The following USP30 variants were observed in gnomAD, a reference collection of about 807,000 sequenced individuals.
USP30 encodes the protein ubiquitin carboxyl-terminal hydrolase 30.
USP30 carries 41 observed loss-of-function variants against 68.2 expected under a neutral mutation model. The ratio of observed to expected loss-of-function variants is 0.60; its 90% confidence interval spans 0.47 to 0.78. USP30 has a LOEUF of 0.78. Ranked by LOEUF, USP30 falls within the 30% of genes least tolerant of loss-of-function variation. The pLI, the probability that USP30 is intolerant of heterozygous loss-of-function variation, is 0.00. For missense variants in USP30, 522 were observed against 649.4 expected (o/e 0.80, Z 2.13); for synonymous variants, 229 against 253.7 (o/e 0.90, Z 0.93).
intron 3 of USP30, among the ~76,000 whole-genome samples, chr12:109,043,921 G>A (rs1221546334): frequency 2.0e-5 from 3 of 152,194 alleles, no homozygotes; most frequent in Non-Finnish European, 4.4e-5. Context: ...ATATACCCAT[G>A]TTCATAACAA....
At position 109,082,823 on chromosome 12, in the gene USP30, G is replaced by A. The variant is rs1420961831; in HGVS notation, c.949-20G>A. 51 of 1,610,944 alleles carry A rather than the reference G, an allele frequency of 3.2e-5. No individual in the cohort carries two copies. The highest frequency in any genetic ancestry group is 9.9e-5 in the South Asian group (9 of 90,798). On this transcript the variant is annotated intron_variant, in intron 10 of 12. Transcript: ENST00000257548. ...GCCCCTGAAACAACTCGGTTCTCCCGATTTCTCTTCCACCCGCAGCTCCCT... is the reference window on the plus strand; with the variant it reads ...GCCCCTGAAACAACTCGGTTCTCCCAATTTCTCTTCCACCCGCAGCTCCCT...
Position 109,070,283 on chromosome 12 carries a change from C to T in USP30, c.481-1329C>T, listed in dbSNP as rs2041396957. Among the ~76,000 whole-genome samples, 2 of 152,060 alleles carry T rather than the reference C, an allele frequency of 1.3e-5. No individual in the cohort carries two copies. Among genetic ancestry groups the T allele is most frequent in the South Asian group, 2.1e-4 (1 of 4,814 alleles). ...TTAGGGCGTATTTTGGAGGAGGGTCCTTTTTTCAGGACTGCTGCTGAATTG... is the reference window on the plus strand; with the variant it reads ...TTAGGGCGTATTTTGGAGGAGGGTCTTTTTTTCAGGACTGCTGCTGAATTG... On this transcript the variant is annotated intron_variant, in intron 4 of 12. Coordinates refer to ENST00000257548, the MANE Select transcript of USP30 (RefSeq NM_032663.5). This position sits in a 1 kb window ranked among gnomAD's most constrained non-coding sequence, Gnocchi z 4.0.
At chr12:109,067,107 A>AT (rs754748366) in intron 3 of USP30, among the ~76,000 whole-genome samples, 10,196 of 104,622 alleles carry the variant, frequency 0.097, 1,283 homozygotes, top group African/African-American at 0.28. Flanking sequence ...ACAGTCCTTA[A>AT]TTTTTTTTTT....
At chr12:109,057,133 A>G (rs532127515) in intron 2 of USP30, among the ~76,000 whole-genome samples, 9 of 152,164 alleles carry the variant, frequency 5.9e-5, no homozygotes, top group Non-Finnish European at 1.3e-4. Flanking sequence ...GTGTTCTCTC[A>G]GACTAGCTTG....
chr12:109,073,644 T>C lies in USP30; in HGVS notation c.720+112T>C, dbSNP rs899784953. 31 of 920,684 alleles carry C rather than the reference T, an allele frequency of 3.4e-5. No individual in the cohort carries two copies. In the African/African-American group the frequency reaches 4.9e-4, roughly 15 times the overall value. 57.0% of individuals were successfully genotyped at this position (920,684 alleles called of 1,614,324 possible). A position where few individuals can be genotyped will look rare whatever the true frequency, so the allele number is the denominator to read the frequency against. On this transcript the variant is annotated intron_variant, in intron 7 of 12. Coordinates refer to ENST00000257548, the MANE Select transcript of USP30 (RefSeq NM_032663.5). ...TCGGTCACTGGTGTTAGAGACTACCTGGCCTCTGCACACTAGTGGACTGAC... is the reference window on the plus strand; with the variant it reads ...TCGGTCACTGGTGTTAGAGACTACCCGGCCTCTGCACACTAGTGGACTGAC...
chr12:109,037,698 T>C (rs1023056772), intron 3 of USP30, among the ~76,000 whole-genome samples: 5 of 152,330 alleles, frequency 3.3e-5, no homozygotes, highest in Middle Eastern at 3.4e-3. Flanking sequence ...CAGCTAATAA[T>C]TGGATAGAGA....
At chr12:109,068,047 C>T (rs1466481737) in intron 4 of USP30, among the ~76,000 whole-genome samples, 3 of 152,070 alleles carry the variant, frequency 2.0e-5, no homozygotes, top group African/African-American at 4.8e-5. Context: ...TAAAGTAGCC[C>T]GAAACCTCAA....
chr12:109,038,780 T>C (rs1323627079), intron 3 of USP30, among the ~76,000 whole-genome samples: 3 of 152,208 alleles, frequency 2.0e-5, no homozygotes, highest in Non-Finnish European at 2.9e-5. Context: ...ACAAGTGATA[T>C]TAATTTCTTT....
At chr12:109,032,427 T>C (rs1376190619) in intron 3 of USP30, among the ~76,000 whole-genome samples, 1 of 152,182 alleles carries the variant, frequency 6.6e-6, no homozygotes, top group African/African-American at 2.4e-5. Flanking sequence ...AAACAAAATG[T>C]GGTATACCCA....
exon 2 of USP30, chr12:109,024,949 G>A (rs2135645331): frequency 6.6e-6 from 1 of 152,386 alleles, no homozygotes; most frequent in South Asian, 2.1e-4. Context: ...GTCTGTAAGG[G>A]TGTTTCAAGA....
At chr12:109,024,752 T>G (rs1215956322) in intron 1 of USP30, 2 of 152,288 alleles carry the variant, frequency 1.3e-5, no homozygotes, top group African/African-American at 2.4e-5. Context: ...CCTGAGTAGC[T>G]GGGACTACAG....
intron 3 of USP30, among the ~76,000 whole-genome samples, chr12:109,030,100 G>A (rs1225747431): frequency 6.6e-6 from 1 of 152,176 alleles, no homozygotes; most frequent in African/African-American, 2.4e-5. Flanking sequence ...GATTAAGGCA[G>A]GGAACCTACT....
chr12:109,023,559 A>T (rs1008058408), intron 1 of USP30, among the ~76,000 whole-genome samples: 1 of 150,414 alleles, frequency 6.6e-6, no homozygotes, highest in Non-Finnish European at 1.5e-5. Flanking sequence ...TGTCTCAATA[A>T]ATAAATAAAT....
intron 3 of USP30, among the ~76,000 whole-genome samples, chr12:109,065,018 A>T: frequency 6.6e-6 from 1 of 152,114 alleles, no homozygotes; most frequent in Non-Finnish European, 1.5e-5. Flanking sequence ...CTTTATTATT[A>T]TTTTTTTAAG....
At chr12:109,076,053 A>G (rs2041593876) in intron 7 of USP30, among the ~76,000 whole-genome samples, 2 of 152,118 alleles carry the variant, frequency 1.3e-5, no homozygotes, top group South Asian at 4.1e-4. Flanking sequence ...GAAGACTAAT[A>G]TGTTGAATGG....
intron 3 of USP30, among the ~76,000 whole-genome samples, chr12:109,046,343 G>A (rs1254636945): frequency 1.3e-5 from 2 of 151,422 alleles, no homozygotes; most frequent in African/African-American, 2.4e-5. Flanking sequence ...TCGATCTCCT[G>A]ACCTCGTGAT....
At chr12:109,062,788 T>C (rs1344360405) in intron 3 of USP30, among the ~76,000 whole-genome samples, 1 of 152,180 alleles carries the variant, frequency 6.6e-6, no homozygotes, top group East Asian at 1.9e-4. Context: ...CACACTGTTG[T>C]GCAGCAGTCA....
chr12:109,066,297 T>G, intron 3 of USP30, among the ~76,000 whole-genome samples: 1 of 151,894 alleles, frequency 6.6e-6, no homozygotes, highest in Admixed American at 6.6e-5. Flanking sequence ...TTCTGGACTT[T>G]TACAGAAAAA....
chr12:109,057,513 C>G (rs544826437), intron 2 of USP30, among the ~76,000 whole-genome samples: 1 of 152,092 alleles, frequency 6.6e-6, no homozygotes, highest in Non-Finnish European at 1.5e-5. Flanking sequence ...GAATCATTGT[C>G]CTGGGGAAGT....
Sources: allele counts gnomAD v4.1 joint callset (sites outside exome capture counted in the v4.1 genomes callset), GRCh38; gene constraint gnomAD v4.1.1; non-coding constraint Gnocchi (gnomAD v3.1); transcripts MANE v1.5; gene names NCBI Gene and HGNC (gene_info 2026-07-23, HGNC 2026-07-21).